TRMT44: variants seen among roughly 807,000 people sequenced by gnomAD.
TRMT44 encodes the protein tRNA methyltransferase 44 homolog, also known as probable tRNA (uracil-O(2)-)-methyltransferase.
A neutral mutation model predicts 77.3 loss-of-function variants in TRMT44; 78 were observed. The observed-to-expected ratio is 1.01, with a 90% CI of 0.84 to 1.22. The LOEUF (loss-of-function observed/expected upper bound fraction) is 1.22, where lower values mean the gene tolerates loss of function less well. Ranked by LOEUF, TRMT44 falls within the 50% of genes most tolerant of loss-of-function variation. TRMT44 has a pLI of 0.00. For missense variants in TRMT44, 1,090 were observed against 964.4 expected, an observed-to-expected ratio of 1.13 and a Z score of -1.73; for synonymous variants, 391 against 383.3, an observed-to-expected ratio of 1.02 and a Z score of -0.23.
chr4:8,442,845 C>T (rs13150818), intron 1 of TRMT44, among the ~76,000 whole-genome samples: 29,802 of 152,160 alleles, frequency 0.2, 3,187 homozygotes, highest in African/African-American at 0.28. Context: ...TGCTTCTCTC[C>T]TCCGCCTCCA....
At chr4:8,462,338 G>A (rs1375159256) in intron 6 of TRMT44, among the ~76,000 whole-genome samples, 1 of 152,198 alleles carries the variant, frequency 6.6e-6, no homozygotes. Context: ...TTGAACCAGG[G>A]AGGCTGAGGT....
intron 2 of TRMT44, among the ~76,000 whole-genome samples, chr4:8,486,370 G>C (rs1340626591): frequency 6.6e-6 from 1 of 152,188 alleles, no homozygotes; most frequent in Non-Finnish European, 1.5e-5. Context: ...TGCAACTCAG[G>C]AATATGTTGC....
Position 8,444,923 on chromosome 4 carries a change from C to T in TRMT44, c.620-1553C>T, listed in dbSNP as rs138207896. Among the ~76,000 whole-genome samples the T allele has an allele frequency of 2.3e-3, 356 of 152,206 alleles. 2 individuals carry two copies. Among genetic ancestry groups the T allele is most frequent in the African/African-American group, 4.9e-3 (205 of 41,522 alleles). On this transcript the variant is annotated intron_variant, in intron 1 of 10. Coordinates refer to ENST00000389737, the MANE Select transcript of TRMT44 (RefSeq NM_152544.3). This position sits in a 1 kb window ranked among gnomAD's most constrained non-coding sequence, Gnocchi z 4.0. ...AAAATCGAAATTTATCATTGTGTAG[C>T]GACAACAGTGACAGCAGATTTGGGG...
Position 8,441,545 on chromosome 4 carries a change from C to G in TRMT44, c.619+104C>G, listed in dbSNP as rs1050484663. ...AAGGGTACTAGTTCCTCTGCGATGT[C>G]CTAGGGAGGTTGTTAGGTGTTTCAT... is the stretch of plus-strand genomic sequence containing the variant. On this transcript the variant is annotated intron_variant, in intron 1 of 10. Coordinates refer to ENST00000389737, the MANE Select transcript of TRMT44 (RefSeq NM_152544.3). 7 of 1,328,052 alleles carry G rather than the reference C, an allele frequency of 5.3e-6. No individual in the cohort carries two copies. In the African/African-American group the frequency reaches 1.0e-4, roughly 20 times the overall value. 82.3% of individuals were successfully genotyped at this position (1,328,052 alleles called of 1,614,324 possible). A position where few individuals can be genotyped will look rare whatever the true frequency, so the allele number is the denominator to read the frequency against.
At chr4:8,483,202 A>AG (rs1727682034) in intron 2 of TRMT44, among the ~76,000 whole-genome samples, 1 of 152,228 alleles carries the variant, frequency 6.6e-6, no homozygotes, top group South Asian at 2.1e-4. Flanking sequence ...AGAGTGCCTA[A>AG]GGAGATTCAG....
At chr4:8,471,240 T>C in intron 10 of TRMT44, 40 bp downstream of exon 10, 1 of 1,329,220 alleles carries the variant, frequency 7.5e-7, no homozygotes, top group Non-Finnish European at 1.0e-6. Context: ...TTTCCTTCTT[T>C]TTCCCCCTTT....
At chr4:8,467,274 C>CGAGGGGTGGAAT (rs1726638207) in intron 8 of TRMT44, among the ~76,000 whole-genome samples, 1 of 152,122 alleles carries the variant, frequency 6.6e-6, no homozygotes, top group Non-Finnish European at 1.5e-5. Context: ...GCCGGGCGGC[C>CGAGGGGTGGAAT]GAGGGGTGGA....
At chr4:8,516,719 A>T in the TRMT44 span, among the ~76,000 whole-genome samples, 1 of 152,004 alleles carries the variant, frequency 6.6e-6, no homozygotes, top group Non-Finnish European at 1.5e-5. Flanking sequence ...TTGAAGCTGC[A>T]GTCAGCCAAG....
chr4:8,465,071 G>T (rs1726434000), intron 7 of TRMT44, among the ~76,000 whole-genome samples: 2 of 152,130 alleles, frequency 1.3e-5, no homozygotes, highest in South Asian at 4.2e-4. Flanking sequence ...CTGGAGTGGG[G>T]AGTGAGGGAG....
chr4:8,467,804 T>C (rs745891703), intron 8 of TRMT44, 110 bp from the exon 9 acceptor site: 103 of 1,209,406 alleles, frequency 8.5e-5, no homozygotes, highest in Non-Finnish European at 1.1e-4. Context: ...GATTTTTTCA[T>C]GATAGACATT....
the TRMT44 span, among the ~76,000 whole-genome samples, chr4:8,505,203 T>C: frequency 2.0e-5 from 3 of 152,250 alleles, no homozygotes; most frequent in African/African-American, 7.2e-5. Context: ...AGCAGGCTTC[T>C]GTCCGGGTGC....
intron 9 of TRMT44, among the ~76,000 whole-genome samples, chr4:8,469,535 G>A (rs978371882): frequency 4.6e-5 from 7 of 152,202 alleles, no homozygotes; most frequent in Non-Finnish European, 7.3e-5. Flanking sequence ...AGGAGATGAC[G>A]GGCACACAGA....
chr4:8,457,359 G>C (rs554213833), intron 6 of TRMT44, among the ~76,000 whole-genome samples: 1 of 152,246 alleles, frequency 6.6e-6, no homozygotes, highest in Non-Finnish European at 1.5e-5. Context: ...TTTCATCAAG[G>C]CTTTGTCTCT....
rs187139722 is a variant in TRMT44 at position 8,452,729 on chromosome 4, C to T, written c.1024-153C>T. 2.7e-5 allele frequency among the ~76,000 whole-genome samples: 4 copies of T among 150,448 alleles called. No homozygotes were observed. The highest frequency in any genetic ancestry group is 2.0e-4 in the Admixed American group (3 of 15,186). ...AGCCTGGGCGGCAAGAGCAACACTC[C>T]ATCTCAAAAAAAGAAAAAAAAAAAA... On this transcript the variant is annotated intron_variant, in intron 4 of 10. Transcript: ENST00000389737. The surrounding 1 kb of genome is among the most constrained non-coding windows in gnomAD (Gnocchi z 5.7).
intron 8 of TRMT44, among the ~76,000 whole-genome samples, chr4:8,466,346 C>G (rs952126198): frequency 6.6e-6 from 1 of 152,232 alleles, no homozygotes; most frequent in Non-Finnish European, 1.5e-5. Context: ...CTCCGCTAAG[C>G]CTGTCCTCAC....
At chr4:8,515,669 G>T in the TRMT44 span, among the ~76,000 whole-genome samples, 2 of 152,178 alleles carry the variant, frequency 1.3e-5, no homozygotes, top group Non-Finnish European at 2.9e-5. Context: ...GCAGAGGCTG[G>T]GCTAGGGGTT....
chr4:8,498,017 C>T (rs562542769), downstream of TRMT44, among the ~76,000 whole-genome samples: 1 of 152,322 alleles, frequency 6.6e-6, no homozygotes, highest in East Asian at 1.9e-4. The surrounding 1 kb of genome is among the most constrained non-coding windows in gnomAD (Gnocchi z 4.3). Context: ...TTCTCACTGT[C>T]CCTCCCCAGC....
chr4:8,441,925 G>T (rs1374382658), intron 1 of TRMT44, among the ~76,000 whole-genome samples: 1 of 152,228 alleles, frequency 6.6e-6, no homozygotes, highest in African/African-American at 2.4e-5. Flanking sequence ...GCGGACGTTC[G>T]GGGCGAAAGG....
chr4:8,488,736 T>G (rs1211979543), intron 2 of TRMT44, among the ~76,000 whole-genome samples: 1 of 152,236 alleles, frequency 6.6e-6, no homozygotes, highest in Non-Finnish European at 1.5e-5. Flanking sequence ...AGGTTTCTGG[T>G]GCAGCCCTAG....
Sources: gnomAD v4.1 joint callset for allele counts (sites outside exome capture counted in the v4.1 genomes callset) on GRCh38, gnomAD v4.1.1 for gene constraint, Gnocchi (gnomAD v3.1) non-coding constraint, MANE v1.5 for transcripts, NCBI Gene and HGNC (gene_info 2026-07-23, HGNC 2026-07-21) for gene names.